REM2: variants seen among roughly 807,000 people sequenced by gnomAD.
REM2 encodes RRAD and GEM like GTPase 2, also known as GTP-binding protein REM 2.
In REM2, 24 loss-of-function variants were observed where a neutral mutation model predicts 24.4. The ratio of observed to expected loss-of-function variants is 0.98; its 90% CI spans 0.71 to 1.38. The LOEUF is 1.38. Ranked by LOEUF, REM2 falls within the 40% of genes most tolerant of loss-of-function variation. The probability of loss-of-function intolerance (pLI) is 0.00; values close to 1 mark genes in which losing one functional copy is unlikely to be tolerated. For missense variants in REM2, 429 were observed against 467.8 expected, an observed-to-expected ratio of 0.92 and a Z score of 0.77; for synonymous variants, 187 against 198.0, an observed-to-expected ratio of 0.94 and a Z score of 0.47.
intron 1 of REM2, chr14:22,884,412 C>T (rs1189285085): frequency 2.7e-5 from 27 of 985,326 alleles, no homozygotes; most frequent in Non-Finnish European, 3.3e-5. Flanking sequence ...GCATTCAGGT[C>T]CCTTCCCTGC....
In REM2 at chr14:22,886,926, C is replaced by CCACTGCGGTCGCCATGGT. The variant is rs1352416110; in HGVS notation, c.*21_*38dup. On this transcript the variant is annotated 3_prime_UTR_variant, in exon 5 of 5. Coordinates refer to ENST00000267396, the MANE Select transcript of REM2 (RefSeq NM_173527.3). This position sits in a 1 kb window ranked among gnomAD's most constrained non-coding sequence, Gnocchi z 5.9. ...GTGCTCTGAGCCGCGGTCGCCATGG[C>CCACTGCGGTCGCCATGGT]CACTGCGGTCGCCATGGTCACCGCG... 3 of 1,405,430 alleles carry CCACTGCGGTCGCCATGGT rather than the reference C, an allele frequency of 2.1e-6. No homozygotes were observed. The highest frequency in any genetic ancestry group is 3.0e-5 in the Admixed American group (1 of 33,484). The allele number at this position is 1,405,430 out of a possible 1,614,324, so 87.1% of individuals were successfully genotyped here.
In REM2 at chr14:22,885,196, G is replaced by C. The variant is rs757421038; in HGVS notation, c.446-70G>C. The stretch of plus-strand genomic sequence containing the variant: ...TGGTGCTGAGATCTGAGGTGTCCCT[G>C]GTTACCAGGTCTCACAAATGTTGGG... On this transcript the variant is annotated intron_variant, in intron 2 of 4. Coordinates refer to ENST00000267396, the MANE Select transcript of REM2 (RefSeq NM_173527.3). 4.8e-6 allele frequency: 7 copies of C among 1,457,136 alleles called. No individual in the cohort carries two copies. The African/African-American group carries it at 8.4e-5, about 17-fold the overall frequency. The allele number at this position is 1,457,136 out of a possible 1,614,324, so 90.3% of individuals were successfully genotyped here.
chr14:22,883,388 C>A lies in REM2; in HGVS notation c.101C>A (p.Pro34Gln). Residue 34 changes from proline to glutamine, a missense_variant and splice_region_variant, in exon 1 of 5, where the codon CCA becomes CAA. Transcript: ENST00000267396. Reference protein sequence around the residue: ...RRASPPGTPTPEADATLLKKS... With the variant: ...RRASPPGTPTQEADATLLKKS... ...GCCTCCCCTCCAGGGACGCCCACAC[C>A]AGGTGAGGGCTAACCTGGGCAGGTT... 6.4e-7 allele frequency: 1 copy of A among 1,552,716 alleles called. No homozygotes were observed. Among genetic ancestry groups the A allele is most frequent in the Non-Finnish European group, 8.7e-7 (1 of 1,147,652 alleles).
At chr14:22,884,417 C>T in intron 1 of REM2, 2 of 985,432 alleles carry the variant, frequency 2.0e-6, no homozygotes, top group Non-Finnish European at 2.4e-6. Context: ...CAGGTCCCTT[C>T]CCTGCATGGG....
chr14:22,886,632 G>C lies in REM2; in HGVS notation c.746G>C (p.Gly249Ala), dbSNP rs770468550. 5.0e-5 allele frequency: 73 copies of C among 1,453,220 alleles called. No homozygotes were observed. Among genetic ancestry groups the C allele is most frequent in the Admixed American group, 8.5e-5 (3 of 35,128 alleles). The allele number at this position is 1,453,220 out of a possible 1,614,324, so 90.0% of individuals were successfully genotyped here. A position where few individuals can be genotyped will look rare whatever the true frequency, so the allele number is the denominator to read the frequency against. Residue 249 changes from glycine (G) to alanine (A), a missense_variant, in exon 5 of 5, where the codon GGG becomes GCG. By Grantham distance (60) the Gly-to-Ala change is moderately conservative (BLOSUM62 0). Coordinates refer to ENST00000267396, the MANE Select transcript of REM2 (RefSeq NM_173527.3). This position sits in a 1 kb window ranked among gnomAD's most constrained non-coding sequence, Gnocchi z 5.9. ...CCTGCAGAGGGCCGCCACCTGGCCG[G>C]GACGCTGAGCTGCAAGCACATCGAG... ...VSLEEGRHLA[G>A]TLSCKHIETS... is the part of the protein sequence containing the mutation.
At chr14:22,883,457 G>A in intron 1 of REM2, 67 bp downstream of exon 1, 4 of 1,412,572 alleles carry the variant, frequency 2.8e-6, no homozygotes, top group Non-Finnish European at 3.9e-6. Flanking sequence ...TTGGTGGGGA[G>A]GTCAGAACTA....
Position 22,886,760 on chromosome 14 carries a change from G to A in REM2, c.874G>A (p.Asp292Asn), listed in dbSNP as rs1294684422. 1.3e-6 allele frequency: 2 copies of A among 1,545,454 alleles called. No homozygotes were observed. Among genetic ancestry groups the A allele is most frequent in the Non-Finnish European group, 1.7e-6 (2 of 1,145,334 alleles). ...AAACCACGCCGGAGGCCAGAGGCCC[G>A]ATCCGGGCAGCCCCGAGGGCCCTGC... ...GRNHAGGQRP[D>N]PGSPEGPAPP... Residue 292 changes from aspartate to asparagine, a missense_variant, in exon 5 of 5, where the codon GAT (aspartate) becomes AAT (asparagine). Coordinates refer to ENST00000267396, the MANE Select transcript of REM2 (RefSeq NM_173527.3). This position sits in a 1 kb window ranked among gnomAD's most constrained non-coding sequence, Gnocchi z 5.9.
intron 2 of REM2, 27 bp downstream of exon 2, chr14:22,885,042 G>A: frequency 2.0e-6 from 3 of 1,522,228 alleles, no homozygotes; most frequent in South Asian, 2.6e-5. Flanking sequence ...TCCAGGGGTT[G>A]AGGGGGCTCT....
intron 1 of REM2, 90 bp downstream of exon 1, chr14:22,883,480 G>A: frequency 8.6e-7 from 1 of 1,165,456 alleles, no homozygotes; most frequent in Non-Finnish European, 1.2e-6. Context: ...GGTTGAGGGA[G>A]CTTGAGCTCA....
Position 22,886,493 on chromosome 14 carries a change from T to C in REM2, c.728-121T>C, listed in dbSNP as rs2040129309. On this transcript the variant is annotated intron_variant, in intron 4 of 4. Coordinates refer to ENST00000267396, the MANE Select transcript of REM2 (RefSeq NM_173527.3). The surrounding 1 kb of genome is among the most constrained non-coding windows in gnomAD (Gnocchi z 5.9). ...ACCATATGAGCTCAGCCATGTTCTCTCGGTTGCAAGATTCACTAGTACCAA... is the reference window on the plus strand; with the variant it reads ...ACCATATGAGCTCAGCCATGTTCTCCCGGTTGCAAGATTCACTAGTACCAA... 1 of 942,568 alleles carries C rather than the reference T, an allele frequency of 1.1e-6. No homozygotes were observed. Among genetic ancestry groups the C allele is most frequent in the South Asian group, 1.7e-5 (1 of 57,168 alleles). 58.4% of individuals were successfully genotyped at this position (942,568 alleles called of 1,614,324 possible). A position where few individuals can be genotyped will look rare whatever the true frequency, so the allele number is the denominator to read the frequency against.
chr14:22,885,346 A>C lies in REM2; in HGVS notation c.519+7A>C. On this transcript the variant is annotated splice_region_variant and intron_variant, in intron 3 of 4. Coordinates refer to ENST00000267396, the MANE Select transcript of REM2 (RefSeq NM_173527.3). ...TTATGACATCTGGGAACAGGTGAGA[A>C]CTAAGATGTGGCTGCAGGCAGGTGA... 6.2e-7 allele frequency: 1 copy of C among 1,607,702 alleles called. No individual in the cohort carries two copies. Among genetic ancestry groups the C allele is most frequent in the South Asian group, 1.1e-5 (1 of 90,956 alleles).
Position 22,883,262 on chromosome 14 carries a change from G to A in REM2, c.-26G>A, listed in dbSNP as rs1195833693. 1.8e-5 allele frequency: 18 copies of A among 1,003,232 alleles called. No individual in the cohort carries two copies. The East Asian group carries it at 2.2e-4, about 12-fold the overall frequency. 62.1% of individuals were successfully genotyped at this position (1,003,232 alleles called of 1,614,324 possible). A position where few individuals can be genotyped will look rare whatever the true frequency, so the allele number is the denominator to read the frequency against. On this transcript the variant is annotated 5_prime_UTR_variant, in exon 1 of 5. Transcript: ENST00000267396. The stretch of plus-strand genomic sequence containing the variant: ...TGCTGCGAGCTGCTGGGCTGCACAC[G>A]CACACGCACACGCACACGCACACTG...
At chr14:22,885,413 G>A in intron 3 of REM2, 74 bp downstream of exon 3, 1 of 1,130,706 alleles carries the variant, frequency 8.8e-7, no homozygotes, top group Non-Finnish European at 1.3e-6. Context: ...CTGGCTGAAG[G>A]CTGGTGGGAC....
chr14:22,883,432 G>A, intron 1 of REM2, 42 bp downstream of exon 1: 1 of 1,540,218 alleles, frequency 6.5e-7, no homozygotes, highest in Non-Finnish European at 8.8e-7. Flanking sequence ...AACCATGGGG[G>A]TGGGAGCTGA....
In REM2 at chr14:22,884,637, A is replaced by C. The variant is rs2040103860; in HGVS notation, c.104-37A>C. The C allele has an allele frequency of 7.0e-6, 11 of 1,564,698 alleles. No homozygotes were observed. The East Asian group carries it at 2.5e-4, about 35-fold the overall frequency. ...GCATATGGTTGAGCATATCCCACTC[A>C]TAGCTTCCTTTTCTTTGCCCTCCCA... is the stretch of plus-strand genomic sequence containing the variant. On this transcript the variant is annotated intron_variant, in intron 1 of 4. Transcript: ENST00000267396.
Position 22,887,169 on chromosome 14 carries a change from G to A in REM2, c.*260G>A. 2.6e-6 allele frequency: 1 copy of A among 391,080 alleles called. No homozygotes were observed. The highest frequency in any genetic ancestry group is 4.5e-6 in the Non-Finnish European group (1 of 221,178). 24.2% of individuals were successfully genotyped at this position (391,080 alleles called of 1,614,324 possible). A position where few individuals can be genotyped will look rare whatever the true frequency, so the allele number is the denominator to read the frequency against. ...GGACGCAGACCTGAAGGCGGCCGGT[G>A]AGCGGGGCGGGTTCTGCTGGGTCGG... On this transcript the variant is annotated 3_prime_UTR_variant, in exon 5 of 5. Transcript: ENST00000267396.
chr14:22,885,682 A>T lies in REM2; in HGVS notation c.520-342A>T, dbSNP rs73588592. On this transcript the variant is annotated intron_variant, in intron 3 of 4. Transcript: ENST00000267396. ...ACAAGACAAGAGCTCAGGGATCTGG[A>T]ATATCAGGGAAGGGGGAAAAAAGTG... Among the ~76,000 whole-genome samples, 577 of 152,324 alleles carry T rather than the reference A, an allele frequency of 3.8e-3. 5 individuals carry two copies. The highest frequency in any genetic ancestry group is 0.013 in the African/African-American group (524 of 41,558).
chr14:22,886,590 G>C lies in REM2; in HGVS notation c.728-24G>C. The C allele has an allele frequency of 4.9e-6, 7 of 1,442,618 alleles. No homozygotes were observed. Among genetic ancestry groups the C allele is most frequent in the Non-Finnish European group, 6.4e-6 (7 of 1,097,706 alleles). The allele number at this position is 1,442,618 out of a possible 1,614,324, so 89.4% of individuals were successfully genotyped here. A position where few individuals can be genotyped will look rare whatever the true frequency, so the allele number is the denominator to read the frequency against. On this transcript the variant is annotated intron_variant, in intron 4 of 4. Transcript: ENST00000267396. The surrounding 1 kb of genome is among the most constrained non-coding windows in gnomAD (Gnocchi z 5.9). ...CCGGGTCCCGTACAGCCCAGCGGGC[G>C]CCTGAGCCGGTGCCTTCCTGCAGAG...
Position 22,886,486 on chromosome 14 carries a change from T to C in REM2, c.728-128T>C. The C allele has an allele frequency of 1.1e-6, 1 of 896,152 alleles. No homozygotes were observed. Among genetic ancestry groups the C allele is most frequent in the Non-Finnish European group, 1.6e-6 (1 of 606,216 alleles). The allele number at this position is 896,152 out of a possible 1,614,324, so 55.5% of individuals were successfully genotyped here. A position where few individuals can be genotyped will look rare whatever the true frequency, so the allele number is the denominator to read the frequency against. The stretch of plus-strand genomic sequence containing the variant: ...CAGACCCACCATATGAGCTCAGCCA[T>C]GTTCTCTCGGTTGCAAGATTCACTA... On this transcript the variant is annotated intron_variant, in intron 4 of 4. Transcript: ENST00000267396. The surrounding 1 kb of genome is among the most constrained non-coding windows in gnomAD (Gnocchi z 5.9).
Sources: gnomAD v4.1 joint callset for allele counts (sites outside exome capture counted in the v4.1 genomes callset) on GRCh38, gnomAD v4.1.1 for gene constraint, Gnocchi (gnomAD v3.1) non-coding constraint, MANE v1.5 for transcripts, NCBI Gene and HGNC (gene_info 2026-07-23, HGNC 2026-07-21) for gene names.